The following VDAC1 variants were observed in gnomAD, a reference collection of about 807,000 sequenced individuals.
The protein encoded by VDAC1 is non-selective voltage-gated ion channel VDAC1.
Under a neutral mutation model 34.7 loss-of-function variants are expected in VDAC1, and 10 were observed. The observed-to-expected ratio is 0.29, with a 90% CI of 0.18 to 0.49. The LOEUF (loss-of-function observed/expected upper bound fraction) is 0.49, where lower values mean the gene tolerates loss of function less well. Ranked by LOEUF, VDAC1 falls within the 20% of genes least tolerant of loss-of-function variation. The probability of loss-of-function intolerance (pLI) is 0.99; values close to 1 mark genes in which losing one functional copy is unlikely to be tolerated. For missense variants in VDAC1, 230 were observed against 347.9 expected (o/e 0.66, Z 2.69); for synonymous variants, 130 against 136.0 (o/e 0.96, Z 0.30).
At chr5:134,104,501 G>A in the VDAC1 span, among the ~76,000 whole-genome samples, 1 of 152,212 alleles carries the variant, frequency 6.6e-6, no homozygotes, top group African/African-American at 2.4e-5. Flanking sequence ...CCCTCTGCCC[G>A]AGATGCTGCC....
chr5:133,976,293 G>T, intron 6 of VDAC1: 1 of 322,836 alleles, frequency 3.1e-6, no homozygotes, highest in Non-Finnish European at 5.9e-6. Flanking sequence ...ATCACTTGAG[G>T]TCAGGGGTTT....
At chr5:134,011,922 G>A in the VDAC1 span, among the ~76,000 whole-genome samples, 16,205 of 152,068 alleles carry the variant, frequency 0.11, 966 homozygotes, top group South Asian at 0.21. Context: ...TTACAGGCAT[G>A]AGCCACCATG....
chr5:133,996,241 C>A (rs572458520), intron 1 of VDAC1, among the ~76,000 whole-genome samples: 1 of 152,200 alleles, frequency 6.6e-6, no homozygotes, highest in African/African-American at 2.4e-5. Flanking sequence ...GCTGAGCAGA[C>A]CTGCCTGCAG....
chr5:134,032,124 C>CAATAAAAAAAA, the VDAC1 span, among the ~76,000 whole-genome samples: 1 of 36,132 alleles, frequency 2.8e-5, no homozygotes, highest in Non-Finnish European at 4.8e-5. Context: ...CTCTGCCTCA[C>CAATAAAAAAAA]AAAAAAAAAA....
the VDAC1 span, among the ~76,000 whole-genome samples, chr5:134,033,683 A>T: frequency 4.6e-5 from 7 of 151,596 alleles, no homozygotes; most frequent in African/African-American, 1.7e-4. Flanking sequence ...GGAAAAAAAA[A>T]AAAAAGTAAA....
the VDAC1 span, among the ~76,000 whole-genome samples, chr5:134,082,742 CATTTTGTTTTTCAGCT>C: frequency 6.6e-6 from 1 of 152,138 alleles, no homozygotes; most frequent in Admixed American, 6.5e-5. Flanking sequence ...TCTTTTGTTT[CATTTTGTTTTTCAGCT>C]ATTCTAATGG....
At chr5:134,014,106 T>A in the VDAC1 span, among the ~76,000 whole-genome samples, 1 of 152,020 alleles carries the variant, frequency 6.6e-6, no homozygotes, top group African/African-American at 2.4e-5. Context: ...CTGGCCAACA[T>A]GGTGAAACCC....
chr5:133,984,138 C>T (rs1233457358), intron 5 of VDAC1, among the ~76,000 whole-genome samples: 1 of 152,122 alleles, frequency 6.6e-6, no homozygotes, highest in African/African-American at 2.4e-5. Context: ...TCACTACAGC[C>T]CCTACCTCCT....
intron 5 of VDAC1, among the ~76,000 whole-genome samples, chr5:133,988,307 G>A (rs1258854518): frequency 6.6e-6 from 1 of 151,958 alleles, no homozygotes; most frequent in Admixed American, 6.6e-5. Context: ...AAAAAGGGGG[G>A]CAGGTGCAGT....
chr5:134,013,831 A>G, the VDAC1 span, among the ~76,000 whole-genome samples: 1 of 152,022 alleles, frequency 6.6e-6, no homozygotes, highest in East Asian at 1.9e-4. Flanking sequence ...AATCCCAGCT[A>G]CTCGGGAGGC....
the VDAC1 span, among the ~76,000 whole-genome samples, chr5:134,108,365 T>A: frequency 6.6e-6 from 1 of 152,172 alleles, no homozygotes; most frequent in Non-Finnish European, 1.5e-5. Context: ...GGGCCACAGA[T>A]GAAGGTGCCA....
At chr5:134,109,223 C>A in the VDAC1 span, among the ~76,000 whole-genome samples, 297 of 152,304 alleles carry the variant, frequency 2.0e-3, no homozygotes, top group Non-Finnish European at 2.9e-3. Context: ...AGCAACAAAG[C>A]CCTGTATAGC....
the VDAC1 span, among the ~76,000 whole-genome samples, chr5:134,084,369 G>A: frequency 5.9e-5 from 9 of 152,220 alleles, no homozygotes; most frequent in Admixed American, 1.3e-4. Context: ...ATGTTGGGCC[G>A]AGAGCTGAGC....
the VDAC1 span, among the ~76,000 whole-genome samples, chr5:134,108,679 G>A: frequency 1.3e-5 from 2 of 152,154 alleles, no homozygotes; most frequent in African/African-American, 2.4e-5. Flanking sequence ...CCAGTGTCCT[G>A]GGGAGGGAAT....
chr5:133,985,554 T>C (rs367670101), intron 5 of VDAC1, among the ~76,000 whole-genome samples: 1 of 152,278 alleles, frequency 6.6e-6, no homozygotes, highest in African/African-American at 2.4e-5. Flanking sequence ...TTCAGGAGGC[T>C]GAGGCACGAG....
the VDAC1 span, among the ~76,000 whole-genome samples, chr5:134,077,076 C>G: frequency 6.6e-6 from 1 of 152,144 alleles, no homozygotes; most frequent in East Asian, 1.9e-4. Flanking sequence ...GCCAGGAGTT[C>G]GAGACCAGTC....
chr5:133,976,798 C>A (rs56400519), intron 6 of VDAC1, among the ~76,000 whole-genome samples: 1 of 152,070 alleles, frequency 6.6e-6, no homozygotes, highest in African/African-American at 2.4e-5. Flanking sequence ...AATCCCAGCA[C>A]TTTGGGAGGC....
chr5:134,056,025 G>A, the VDAC1 span, among the ~76,000 whole-genome samples: 1 of 151,852 alleles, frequency 6.6e-6, no homozygotes, highest in South Asian at 2.1e-4. Flanking sequence ...AATCACCTGA[G>A]GTCAAGAGTT....
chr5:134,073,365 A>G, the VDAC1 span, among the ~76,000 whole-genome samples: 17,899 of 152,244 alleles, frequency 0.12, 1,485 homozygotes, highest in African/African-American at 0.23. Context: ...CTCAGGCCTC[A>G]TCCCAGTCCT....
Sources: allele counts gnomAD v4.1 joint callset (sites outside exome capture counted in the v4.1 genomes callset), GRCh38; gene constraint gnomAD v4.1.1; transcripts MANE v1.5; gene names NCBI Gene and HGNC (gene_info 2026-07-23, HGNC 2026-07-21).